Variants in STOX2 observed in about 807,000 individuals in gnomAD.
The protein encoded by STOX2 is storkhead box 2.
In STOX2, 28 loss-of-function variants were observed where a neutral mutation model predicts 60.9. The ratio of observed to expected loss-of-function variants is 0.46; its 90% CI spans 0.34 to 0.63. STOX2 has a LOEUF of 0.63. Ranked by LOEUF, STOX2 falls within the 30% of genes least tolerant of loss-of-function variation. The pLI is 0.01. For missense variants in STOX2, 1,024 were observed against 1,187.7 expected, an observed-to-expected ratio of 0.86 and a Z score of 2.03; for synonymous variants, 472 against 463.9, an observed-to-expected ratio of 1.02 and a Z score of -0.22.
chr4:183,825,599 C>T lies in STOX2; in HGVS notation c.364+27544C>T, dbSNP rs972371262. 2.6e-5 allele frequency among the ~76,000 whole-genome samples: 4 copies of T among 152,332 alleles called. No homozygotes were observed. Among genetic ancestry groups the T allele is most frequent in the African/African-American group, 9.6e-5 (4 of 41,580 alleles). On this transcript the variant is annotated intron_variant, in intron 1 of 2. Transcript: ENST00000513034. This position sits in a 1 kb window ranked among gnomAD's most constrained non-coding sequence, Gnocchi z 4.1. ...CTGCCAACGTGGGTGCAGCGCCCGA[C>T]CCCTCCCTGCCCGTCCTCTGTGTCC...
At chr4:183,885,585 A>G (rs1741060830) in intron 1 of STOX2, among the ~76,000 whole-genome samples, 1 of 152,186 alleles carries the variant, frequency 6.6e-6, no homozygotes, top group Admixed American at 6.5e-5. Context: ...TGAGGAAGAA[A>G]GAGGAAATGC....
At chr4:183,929,028 G>A (rs545074185) in intron 1 of STOX2, among the ~76,000 whole-genome samples, 2 of 152,172 alleles carry the variant, frequency 1.3e-5, no homozygotes, top group South Asian at 2.1e-4. Flanking sequence ...TAACCGTCTC[G>A]AGAATTCCTC....
chr4:183,906,651 G>A lies in STOX2; in HGVS notation c.-140G>A. 1.1e-6 allele frequency: 1 copy of A among 952,258 alleles called. No homozygotes were observed. The highest frequency in any genetic ancestry group is 1.5e-6 in the Non-Finnish European group (1 of 665,788). 59.0% of individuals were successfully genotyped at this position (952,258 alleles called of 1,614,324 possible). Reference sequence around the variant, plus strand: ...GGGAGGGCCGGACCCGCCGCTGGCGGTGTAGACGCCGACGAGGAGGGGCTG... The same window carrying A: ...GGGAGGGCCGGACCCGCCGCTGGCGATGTAGACGCCGACGAGGAGGGGCTG... On this transcript the variant is annotated 5_prime_UTR_variant, in exon 1 of 4. It adds an upstream start codon to the 5' untranslated region. Coordinates refer to ENST00000308497, the MANE Select transcript of STOX2 (RefSeq NM_020225.3).
intron 1 of STOX2, among the ~76,000 whole-genome samples, chr4:183,946,207 CTT>C (rs112450738): frequency 0.071 from 10,798 of 152,182 alleles, 1,125 homozygotes; most frequent in African/African-American, 0.23. Flanking sequence ...AAATGATGGG[CTT>C]TCTAGGAAGA....
intron 1 of STOX2, among the ~76,000 whole-genome samples, chr4:183,984,921 C>T (rs748429853): frequency 2.0e-5 from 3 of 152,056 alleles, no homozygotes; most frequent in Non-Finnish European, 2.9e-5. Flanking sequence ...CATCAGACGC[C>T]GAGATTTAAA....
intron 1 of STOX2, among the ~76,000 whole-genome samples, chr4:183,912,165 A>G (rs988287257): frequency 6.6e-6 from 1 of 152,110 alleles, no homozygotes; most frequent in African/African-American, 2.4e-5. Context: ...CTATTACACT[A>G]TCTACCAAAC....
intron 1 of STOX2, among the ~76,000 whole-genome samples, chr4:183,863,006 G>C (rs534901129): frequency 9.2e-4 from 140 of 152,256 alleles, no homozygotes; most frequent in African/African-American, 3.2e-3. Context: ...ATCTCACTGG[G>C]GATGTTTAGG....
chr4:183,812,536 G>T (rs912372611), intron 1 of STOX2, among the ~76,000 whole-genome samples: 2 of 152,152 alleles, frequency 1.3e-5, no homozygotes, highest in Non-Finnish European at 1.5e-5. Flanking sequence ...ACTCAGTTAC[G>T]TGCTGATAGA....
chr4:183,888,776 T>G (rs1476679856), intron 1 of STOX2, among the ~76,000 whole-genome samples: 1 of 152,142 alleles, frequency 6.6e-6, no homozygotes, highest in African/African-American at 2.4e-5. Context: ...ACATCTCAAG[T>G]GCTACCTTTT....
chr4:184,014,666 A>G (rs1407946837), intron 3 of STOX2: 2 of 152,140 alleles, frequency 1.3e-5, no homozygotes, highest in Non-Finnish European at 2.9e-5. Context: ...TCATCAGCAC[A>G]TCCGGAGCCC....
chr4:183,867,601 A>G (rs1740600305), intron 1 of STOX2, among the ~76,000 whole-genome samples: 1 of 152,264 alleles, frequency 6.6e-6, no homozygotes, highest in African/African-American at 2.4e-5. Flanking sequence ...ACATGAGGCC[A>G]GAGATCTGAG....
intron 1 of STOX2, among the ~76,000 whole-genome samples, chr4:183,978,609 A>G (rs1056062490): frequency 2.6e-5 from 4 of 152,334 alleles, no homozygotes; most frequent in Middle Eastern, 3.4e-3. Context: ...ATGAAGTTAT[A>G]TGTATCCTTA....
intron 1 of STOX2, among the ~76,000 whole-genome samples, chr4:183,984,573 T>G (rs890169315): frequency 3.3e-5 from 5 of 152,208 alleles, no homozygotes; most frequent in Admixed American, 6.5e-5. Flanking sequence ...ACCTGATAAA[T>G]ATTTTTAATT....
chr4:183,991,537 C>A (rs1209977785), intron 1 of STOX2, among the ~76,000 whole-genome samples: 2 of 151,828 alleles, frequency 1.3e-5, no homozygotes, highest in Non-Finnish European at 2.9e-5. Context: ...AAGTGATTCT[C>A]CCGCCTCAGC....
intron 1 of STOX2, among the ~76,000 whole-genome samples, chr4:183,929,174 GAA>G (rs1357853244): frequency 3.9e-5 from 6 of 152,334 alleles, no homozygotes; most frequent in African/African-American, 1.4e-4. Context: ...GAGATTTGCT[GAA>G]GTCTTGGGGC....
intron 1 of STOX2, among the ~76,000 whole-genome samples, chr4:183,930,823 G>C (rs1018189832): frequency 6.6e-6 from 1 of 151,910 alleles, no homozygotes; most frequent in Non-Finnish European, 1.5e-5. Flanking sequence ...TTGAAATACT[G>C]ACCTAGATCT....
chr4:183,896,043 C>T (rs1457715445), intron 1 of STOX2, among the ~76,000 whole-genome samples: 1 of 152,214 alleles, frequency 6.6e-6, no homozygotes, highest in Non-Finnish European at 1.5e-5. Flanking sequence ...CTTACAGCAA[C>T]AGGGCGGCTC....
chr4:184,017,459 A>G lies in STOX2; in HGVS notation c.*175A>G, dbSNP rs1471061608. 1 of 580,212 alleles carries G rather than the reference A, an allele frequency of 1.7e-6. No individual in the cohort carries two copies. The highest frequency in any genetic ancestry group is 1.9e-5 in the African/African-American group (1 of 52,802). The allele number at this position is 580,212 out of a possible 1,614,324, so 35.9% of individuals were successfully genotyped here. The stretch of plus-strand genomic sequence containing the variant: ...AAACAAAAAATCTTTATTTCAGAGT[A>G]TTGCTTTTCACATTTATGGCTCTGT... On this transcript the variant is annotated 3_prime_UTR_variant, in exon 4 of 4. Transcript: ENST00000308497.
chr4:183,884,448 G>C (rs1254942627), intron 1 of STOX2, among the ~76,000 whole-genome samples: 1 of 152,004 alleles, frequency 6.6e-6, no homozygotes, highest in Non-Finnish European at 1.5e-5. Flanking sequence ...GACCAGCTTG[G>C]GCAACATGGT....
Sources: gnomAD v4.1 joint callset for allele counts (sites outside exome capture counted in the v4.1 genomes callset) on GRCh38, gnomAD v4.1.1 for gene constraint, Gnocchi (gnomAD v3.1) non-coding constraint, MANE v1.5 for transcripts, NCBI Gene and HGNC (gene_info 2026-07-23, HGNC 2026-07-21) for gene names.